Variants in NAA25 observed in about 807,000 individuals in gnomAD.
NAA25 encodes the protein N-alpha-acetyltransferase 25, NatB auxiliary subunit, also known as N-terminal acetyltransferase B complex subunit NAA25.
A neutral mutation model predicts 132.5 loss-of-function variants in NAA25; 30 were observed. The ratio of observed to expected loss-of-function variants is 0.23; its 90% CI spans 0.17 to 0.31. The LOEUF (loss-of-function observed/expected upper bound fraction) is 0.31. Ranked by LOEUF, NAA25 falls within the 10% of genes least tolerant of loss-of-function variation. The pLI is 1.00. For synonymous variants in NAA25, 359 were observed against 401.9 expected (o/e 0.89, Z 1.28); for missense variants, 771 against 1,150.4 (o/e 0.67, Z 4.77).
At chr12:112,036,036 C>T (rs925099809) in intron 22 of NAA25, among the ~76,000 whole-genome samples, 2 of 151,994 alleles carry the variant, frequency 1.3e-5, no homozygotes, top group Admixed American at 1.3e-4. Flanking sequence ...AACAAAAGAC[C>T]CCCATTGATA....
chr12:112,068,411 C>G (rs2078750840), intron 11 of NAA25, among the ~76,000 whole-genome samples: 1 of 152,078 alleles, frequency 6.6e-6, no homozygotes, highest in African/African-American at 2.4e-5. Context: ...AATCCATACA[C>G]AACACCCAAA....
At chr12:112,034,599 C>G (rs1009261526) in intron 22 of NAA25, 2 of 152,352 alleles carry the variant, frequency 1.3e-5, no homozygotes, top group Non-Finnish European at 2.9e-5. Context: ...GGACTCCAGC[C>G]TGGGTAACAG....
rs553650160 is a variant in NAA25 at position 112,060,331 on chromosome 12, T to C, written c.1386A>G (p.Gln462=). 2.7e-5 allele frequency: 43 copies of C among 1,613,110 alleles called. No individual in the cohort carries two copies. Among genetic ancestry groups the C allele is most frequent in the African/African-American group, 1.2e-4 (9 of 74,858 alleles). The stretch of plus-strand genomic sequence containing the variant: ...CAAGGAGACAGTAATAGTCAGAAAA[T>C]TGCAATTCTGTTTTCAAACAGGTTT... ...FGKTCLKTEL[Q]FSDYYCLLAV... The change falls in exon 13 of 24, where the codon CAA becomes CAG. Residue 462 remains glutamine (Q), a synonymous_variant. Coordinates refer to ENST00000261745, the MANE Select transcript of NAA25 (RefSeq NM_024953.4).
At chr12:112,068,193 C>T (rs2078747470) in intron 11 of NAA25, among the ~76,000 whole-genome samples, 1 of 152,182 alleles carries the variant, frequency 6.6e-6, no homozygotes, top group Non-Finnish European at 1.5e-5. Context: ...GCACGTGCCA[C>T]CGTACCTGGC....
intron 2 of NAA25, among the ~76,000 whole-genome samples, chr12:112,092,351 G>A (rs972072562): frequency 9.2e-5 from 14 of 152,010 alleles, no homozygotes; most frequent in Admixed American, 3.9e-4. Flanking sequence ...TCAGTTGGGC[G>A]CAGTAGCTCA....
At position 112,054,461 on chromosome 12, in the gene NAA25, G is replaced by C; in HGVS notation, c.1555C>G (p.Leu519Val). 7 of 1,614,144 alleles carry C rather than the reference G, an allele frequency of 4.3e-6. No individual in the cohort carries two copies. Among genetic ancestry groups the C allele is most frequent in the Non-Finnish European group, 5.9e-6 (7 of 1,179,996 alleles). Residue 519 changes from leucine to valine, a missense_variant, in exon 14 of 24, where the codon CTG becomes GTG. Around this residue, in one of 3 missense-constraint regions of NAA25, gnomAD observed 417 missense variants for 733.8 expected, o/e 0.57. Transcript: ENST00000261745. The stretch of plus-strand genomic sequence containing the variant: ...TCCACCACTGGTTCAAATGCACCCA[G>C]CATACAGTAGATTCGAACAAGCAGC... ...KLLLVRIYCM[L>V]GAFEPVVDLY...
chr12:112,099,278 G>A (rs757059850), intron 1 of NAA25, among the ~76,000 whole-genome samples: 1 of 135,492 alleles, frequency 7.4e-6, no homozygotes, highest in Non-Finnish European at 1.5e-5. Context: ...ATGAGCTGTC[G>A]CACTCGGCCT....
rs2136896613 is a variant in NAA25 at position 112,075,666 on chromosome 12, G to A, written c.776+12C>T. ...CTACAGTCAAATGGTACAAAAGAAA[G>A]CTTTTACTCACTTTTTTAGTAAGAG... On this transcript the variant is annotated intron_variant, in intron 8 of 23. Coordinates refer to ENST00000261745, the MANE Select transcript of NAA25 (RefSeq NM_024953.4). The A allele has an allele frequency of 3.1e-6, 5 of 1,606,120 alleles. No individual in the cohort carries two copies. The highest frequency in any genetic ancestry group is 1.1e-5 in the South Asian group (1 of 90,904).
At chr12:112,086,952 G>A (rs2079066860) in intron 4 of NAA25, among the ~76,000 whole-genome samples, 1 of 144,932 alleles carries the variant, frequency 6.9e-6, no homozygotes, top group Admixed American at 7.3e-5. Flanking sequence ...AGGTTGCAGT[G>A]AGCCAAGATC....
At chr12:112,102,015 C>G (rs1002023166) in intron 1 of NAA25, among the ~76,000 whole-genome samples, 1 of 151,470 alleles carries the variant, frequency 6.6e-6, no homozygotes, top group African/African-American at 2.4e-5. Context: ...TACAGGCGTG[C>G]ATCACCATGC....
chr12:112,034,292 G>A (rs943422809), intron 22 of NAA25: 6 of 152,230 alleles, frequency 3.9e-5, no homozygotes, highest in African/African-American at 1.5e-4. Context: ...GAGGTCAGGA[G>A]TTCAAGACCA....
In NAA25 at chr12:112,071,970, G is replaced by A. The variant is rs2078816599; in HGVS notation, c.961C>T (p.Arg321Ter). The change falls in exon 10 of 24, where the codon CGA (arginine) becomes TGA (stop). Residue 321 changes from arginine to a stop codon, truncating the protein, a stop_gained. Transcript: ENST00000261745. LOFTEE classifies it high-confidence loss of function. ...TEESKSSRHL[R>*]GPHLAKLELI... ...TCCAATTTAGCTAGATGTGGTCCTC[G>A]GAGATGGCGAGAACTTTTAGATTCT... 1 of 1,613,928 alleles carries A rather than the reference G, an allele frequency of 6.2e-7. No individual in the cohort carries two copies. Among genetic ancestry groups the A allele is most frequent in the Admixed American group, 1.7e-5 (1 of 59,980 alleles).
intron 1 of NAA25, among the ~76,000 whole-genome samples, chr12:112,105,170 A>G (rs1215553747): frequency 6.6e-6 from 1 of 151,858 alleles, no homozygotes; most frequent in Non-Finnish European, 1.5e-5. Flanking sequence ...AAATACAAAA[A>G]TTAGCCAGGC....
At chr12:112,103,283 A>T (rs2079320918) in intron 1 of NAA25, among the ~76,000 whole-genome samples, 1 of 152,040 alleles carries the variant, frequency 6.6e-6, no homozygotes, top group Non-Finnish European at 1.5e-5. Flanking sequence ...CACCTCACCC[A>T]GCCAAACCAC....
intron 9 of NAA25, among the ~76,000 whole-genome samples, chr12:112,073,734 C>T (rs2078850911): frequency 6.6e-6 from 1 of 151,780 alleles, no homozygotes; most frequent in South Asian, 2.1e-4. Flanking sequence ...TGCCCGGCCC[C>T]ATTTATTCAT....
chr12:112,100,614 CT>C (rs71083200), intron 1 of NAA25, among the ~76,000 whole-genome samples: 1,843 of 100,624 alleles, frequency 0.018, 12 homozygotes, highest in African/African-American at 0.066. Flanking sequence ...ATTCCATTGT[CT>C]TTTTTTTTTT....
At chr12:112,074,226 A>G (rs1188921263) in intron 9 of NAA25, among the ~76,000 whole-genome samples, 1 of 151,462 alleles carries the variant, frequency 6.6e-6, no homozygotes, top group Non-Finnish European at 1.5e-5. Flanking sequence ...CTATAGTCCC[A>G]GCTATTCGGG....
At chr12:112,088,623 CTTT>C (rs58148161) in intron 3 of NAA25, among the ~76,000 whole-genome samples, 2 of 132,092 alleles carry the variant, frequency 1.5e-5, no homozygotes, top group Non-Finnish European at 1.6e-5. Context: ...ACAGAAAGTG[CTTT>C]TTTTTTTTTT....
Position 112,029,569 on chromosome 12 carries a change from T to G in NAA25, c.2881A>C (p.Lys961Gln), listed in dbSNP as rs553675775. The G allele has an allele frequency of 7.4e-6, 12 of 1,614,128 alleles. No homozygotes were observed. The South Asian group carries it at 1.3e-4, about 18-fold the overall frequency. Residue 961 changes from lysine (K) to glutamine (Q), a missense_variant, in exon 24 of 24, where the codon AAA becomes CAA. By Grantham distance (53) the Lys-to-Gln change is moderately conservative. This residue lies in a region of NAA25 where 324 missense variants were observed against 400.0 expected (regional missense o/e 0.81). Transcript: ENST00000261745. The stretch of plus-strand genomic sequence containing the variant: ...TTCTTTGTGGTCTCAAGTCTTTTTT[T>G]CAGCAGCTCCCCCATTTCCAGAAGT... Reference protein sequence around the residue: ...HSLLEMGELLKKRLETTKKLK... With the variant: ...HSLLEMGELLQKRLETTKKLK...
Sources: allele counts gnomAD v4.1 joint callset (sites outside exome capture counted in the v4.1 genomes callset), GRCh38; gene constraint gnomAD v4.1.1; regional missense constraint gnomAD v4.1.1; transcripts MANE v1.5; gene names NCBI Gene and HGNC (gene_info 2026-07-23, HGNC 2026-07-21).